Variants in CHD2 observed in about 807,000 individuals in gnomAD.
CHD2 encodes the protein ATP-dependent chromatin remodeler CHD2.
CHD2 carries 28 observed loss-of-function variants against 243.9 expected under a neutral mutation model. That is an observed-to-expected ratio of 0.11 (90% confidence interval 0.09 to 0.16). The LOEUF is 0.16. Ranked by LOEUF, CHD2 falls within the 10% of genes least tolerant of loss-of-function variation. CHD2 has a pLI of 1.00. For synonymous variants in CHD2, 775 were observed against 779.0 expected, an observed-to-expected ratio of 0.99 and a Z score of 0.09; for missense variants, 1,386 against 2,209.8, an observed-to-expected ratio of 0.63 and a Z score of 7.47.
At position 93,024,555 on chromosome 15, in the gene CHD2, A is replaced by T; in HGVS notation, c.5337A>T (p.Pro1779=). 6.2e-7 allele frequency: 1 copy of T among 1,614,082 alleles called. No individual in the cohort carries two copies. Among genetic ancestry groups the T allele is most frequent in the Non-Finnish European group, 8.5e-7 (1 of 1,180,010 alleles). Residue 1779 remains proline (P), a synonymous_variant, in exon 39 of 39, where the codon CCA becomes CCT. Coordinates refer to ENST00000394196, the MANE Select transcript of CHD2 (RefSeq NM_001271.4). ...KLGEYKQPLP[P]LHPAVSDPRS... ...GGGAATATAAACAGCCTCTACCCCCATTGCACCCTGCAGTCTCAGATCCTC... is the reference window on the plus strand; with the variant it reads ...GGGAATATAAACAGCCTCTACCCCCTTTGCACCCTGCAGTCTCAGATCCTC...
At chr15:93,001,504 A>ATATT (rs1316679539) in intron 32 of CHD2, among the ~76,000 whole-genome samples, 1 of 152,074 alleles carries the variant, frequency 6.6e-6, no homozygotes, top group South Asian at 2.1e-4. Context: ...ATACATACAG[A>ATATT]TATTTATTTA....
Position 92,960,708 on chromosome 15 carries a change from T to TTTTG in CHD2, c.2000+4062_2000+4063insGTTT, listed in dbSNP as rs1555441244. ...AAGATTTTTGCATCTGTTTGGTGTT[T>TTTTG]TTTTTTTTTTTTTTTTTTTTTTTTA... On this transcript the variant is annotated intron_variant, in intron 16 of 38. Coordinates refer to ENST00000394196, the MANE Select transcript of CHD2 (RefSeq NM_001271.4). 3.8e-4 allele frequency among the ~76,000 whole-genome samples: 52 copies of TTTTG among 137,660 alleles called. 2 individuals carry two copies. The highest frequency in any genetic ancestry group is 3.3e-3 in the Admixed American group (46 of 13,870). The allele number at this position is 137,660 out of a possible 152,430, so 90.3% of individuals were successfully genotyped here.
At chr15:93,019,659 C>T (rs564451624) in intron 37 of CHD2, among the ~76,000 whole-genome samples, 357 of 152,138 alleles carry the variant, frequency 2.3e-3, no homozygotes, top group Middle Eastern at 6.8e-3. Flanking sequence ...TAAGGCTGGG[C>T]GTGGTGGCTC....
intron 2 of CHD2, among the ~76,000 whole-genome samples, chr15:92,917,499 T>TA (rs1485858406): frequency 6.6e-6 from 1 of 152,082 alleles, no homozygotes; most frequent in Non-Finnish European, 1.5e-5. Context: ...AGGCGGAGGT[T>TA]ACGGTGAGCC....
chr15:93,004,111 G>A (rs929273579), intron 33 of CHD2, among the ~76,000 whole-genome samples: 2 of 142,058 alleles, frequency 1.4e-5, no homozygotes, highest in South Asian at 2.2e-4. Flanking sequence ...ATGACAGAGC[G>A]AGAATCTGTC....
chr15:92,932,370 G>C (rs1380522403), intron 5 of CHD2, among the ~76,000 whole-genome samples: 1 of 148,768 alleles, frequency 6.7e-6, no homozygotes, highest in Non-Finnish European at 1.5e-5. Flanking sequence ...GTATACATGT[G>C]TCATGTTGGT....
Position 93,006,287 on chromosome 15 carries a change from C to T in CHD2, c.4413+1536C>T, listed in dbSNP as rs556317531. 2.2e-4 allele frequency among the ~76,000 whole-genome samples: 34 copies of T among 152,118 alleles called. No individual in the cohort carries two copies. The South Asian group carries it at 3.1e-3, about 14-fold the overall frequency. On this transcript the variant is annotated intron_variant, in intron 34 of 38. Transcript: ENST00000394196. ...GATTACAGATGCGCACCACCACACC[C>T]GGCTAACTTTTGTATTTTTAGTAGA...
chr15:92,931,687 A>G (rs562826506), intron 5 of CHD2, among the ~76,000 whole-genome samples: 1 of 152,166 alleles, frequency 6.6e-6, no homozygotes, highest in African/African-American at 2.4e-5. Flanking sequence ...GTGTATATTT[A>G]TATATATACA....
chr15:92,967,179 T>A (rs2053776446), intron 16 of CHD2, 146 bp from the exon 17 acceptor site: 1 of 587,782 alleles, frequency 1.7e-6, no homozygotes, highest in African/African-American at 1.9e-5. Context: ...ATTTTACTTT[T>A]CCCCTTTTTG....
At chr15:92,996,914 C>A in intron 28 of CHD2, 43 bp from the exon 29 acceptor site, 7 of 1,579,248 alleles carry the variant, frequency 4.4e-6, no homozygotes, top group Non-Finnish European at 6.0e-6. Flanking sequence ...TGTGGAACTT[C>A]TGCAGATTTT....
Position 92,939,488 on chromosome 15 carries a change from T to G in CHD2, c.552-90T>G, listed in dbSNP as rs962596178. ...AAGTGAAATGTTACATTCTGATGTATGAACCACTGCTCTGGGAAATACTGT... is the reference window on the plus strand; with the variant it reads ...AAGTGAAATGTTACATTCTGATGTAGGAACCACTGCTCTGGGAAATACTGT... On this transcript the variant is annotated intron_variant, in intron 6 of 38. Coordinates refer to ENST00000394196, the MANE Select transcript of CHD2 (RefSeq NM_001271.4). 6 of 1,353,818 alleles carry G rather than the reference T, an allele frequency of 4.4e-6. No individual in the cohort carries two copies. The Admixed American group carries it at 1.4e-4, about 31-fold the overall frequency. 83.9% of individuals were successfully genotyped at this position (1,353,818 alleles called of 1,614,324 possible).
chr15:92,940,935 T>TA (rs1222734207), intron 7 of CHD2, among the ~76,000 whole-genome samples: 1 of 137,436 alleles, frequency 7.3e-6, no homozygotes, highest in Non-Finnish European at 1.5e-5. Context: ...TAAATATATA[T>TA]AAAATATATA....
At chr15:92,947,599 A>C (rs2053490214) in intron 12 of CHD2, 1 of 152,108 alleles carries the variant, frequency 6.6e-6, no homozygotes, top group Non-Finnish European at 1.5e-5. Context: ...TATATAGGAG[A>C]CTCTGGAGTA....
chr15:92,994,259 C>G (rs2054159493), intron 28 of CHD2, among the ~76,000 whole-genome samples: 1 of 152,166 alleles, frequency 6.6e-6, no homozygotes. Flanking sequence ...GTATCTACTT[C>G]AAAGGATTTG....
At chr15:92,978,818 G>T (rs538514569) in intron 21 of CHD2, among the ~76,000 whole-genome samples, 1 of 152,234 alleles carries the variant, frequency 6.6e-6, no homozygotes, top group East Asian at 1.9e-4. Context: ...TGGATAACCC[G>T]TAAGTTTCAT....
At chr15:92,917,032 C>G (rs908491241) in intron 2 of CHD2, among the ~76,000 whole-genome samples, 3 of 152,104 alleles carry the variant, frequency 2.0e-5, no homozygotes, top group African/African-American at 7.2e-5. Flanking sequence ...TCCGTAATTG[C>G]GTATCCATTT....
At chr15:93,024,198 A>T (rs2054566407) in intron 38 of CHD2, among the ~76,000 whole-genome samples, 174 bp from the exon 39 acceptor site, 1 of 152,174 alleles carries the variant, frequency 6.6e-6, no homozygotes, top group African/African-American at 2.4e-5. Flanking sequence ...ATTTCATAGG[A>T]TGTATTTTGC....
intron 2 of CHD2, 124 bp downstream of exon 2, chr15:92,901,423 C>T: frequency 1.5e-6 from 1 of 678,824 alleles, no homozygotes. Context: ...AATTTGGATT[C>T]GTTTTTTAAA....
intron 3 of CHD2, among the ~76,000 whole-genome samples, 154 bp from the exon 4 acceptor site, chr15:92,927,089 TA>T (rs974411534): frequency 2.6e-5 from 4 of 151,988 alleles, no homozygotes; most frequent in African/African-American, 7.3e-5. Context: ...ATGCCTATTT[TA>T]AAAAAAATGG....
Sources: gnomAD v4.1 joint callset for allele counts (sites outside exome capture counted in the v4.1 genomes callset) on GRCh38, gnomAD v4.1.1 for gene constraint, MANE v1.5 for transcripts, NCBI Gene and HGNC (gene_info 2026-07-23, HGNC 2026-07-21) for gene names.